Variants in SMOC2 observed in about 807,000 individuals in gnomAD.
SMOC2 encodes the protein SPARC related modular calcium binding 2.
In SMOC2, 39 loss-of-function variants were observed where a neutral mutation model predicts 61.4. The observed-to-expected ratio is 0.64, with a 90% CI of 0.49 to 0.83. The LOEUF (loss-of-function observed/expected upper bound fraction) is 0.83. Ranked by LOEUF, SMOC2 falls within the 40% of genes least tolerant of loss-of-function variation. SMOC2 has a pLI of 0.00. For missense variants in SMOC2, 556 were observed against 592.9 expected, an observed-to-expected ratio of 0.94 and a Z score of 0.65; for synonymous variants, 247 against 239.9, an observed-to-expected ratio of 1.03 and a Z score of -0.27.
At chr6:168,526,830 G>C (rs529160951) in intron 3 of SMOC2, among the ~76,000 whole-genome samples, 1 of 152,264 alleles carries the variant, frequency 6.6e-6, no homozygotes, top group African/African-American at 2.4e-5. Flanking sequence ...CACACTAAAA[G>C]TCGTGTCTGT....
chr6:168,548,577 G>C (rs562221327), intron 6 of SMOC2, among the ~76,000 whole-genome samples: 2 of 151,676 alleles, frequency 1.3e-5, no homozygotes, highest in African/African-American at 4.8e-5. Flanking sequence ...TGTTGGCCAG[G>C]CTGGTCTTGA....
intron 2 of SMOC2, among the ~76,000 whole-genome samples, chr6:168,518,204 C>G (rs1562566067): frequency 6.6e-6 from 1 of 152,340 alleles, no homozygotes; most frequent in African/African-American, 2.4e-5. Flanking sequence ...TGTCGCCTGG[C>G]TCCTATCGGG....
In SMOC2 at chr6:168,475,075, G is replaced by A. The variant is rs1168547048; in HGVS notation, c.84+33621G>A. 6.6e-6 allele frequency among the ~76,000 whole-genome samples: 1 copy of A among 152,078 alleles called. No individual in the cohort carries two copies. Among genetic ancestry groups the A allele is most frequent in the East Asian group, 1.9e-4 (1 of 5,186 alleles). ...TAGCTTCAGAATAGATCCCTTTATG[G>A]TAGGTCAGCACTCATGCCATACACT... On this transcript the variant is annotated intron_variant, in intron 1 of 12. Transcript: ENST00000356284. This position sits in a 1 kb window ranked among gnomAD's most constrained non-coding sequence, Gnocchi z 4.6.
intron 4 of SMOC2, among the ~76,000 whole-genome samples, chr6:168,540,301 G>T (rs1783849710): frequency 6.6e-6 from 1 of 152,242 alleles, no homozygotes; most frequent in Non-Finnish European, 1.5e-5. Flanking sequence ...CTCTGTTTTG[G>T]ATGGCTTGGT....
chr6:168,647,096 C>T (rs546565752), intron 9 of SMOC2, among the ~76,000 whole-genome samples: 1 of 152,308 alleles, frequency 6.6e-6, no homozygotes, highest in South Asian at 2.1e-4. Flanking sequence ...TATGGGGTAG[C>T]ACCTTCGTGC....
chr6:168,559,507 A>G (rs1784343231), intron 7 of SMOC2, among the ~76,000 whole-genome samples: 1 of 145,566 alleles, frequency 6.9e-6, no homozygotes. Context: ...AAATAGTAAC[A>G]TAGTAGAAGA....
chr6:168,478,628 T>G (rs1782140776), intron 1 of SMOC2, among the ~76,000 whole-genome samples: 1 of 152,204 alleles, frequency 6.6e-6, no homozygotes, highest in South Asian at 2.1e-4. Flanking sequence ...ACAGCACAGC[T>G]TCCCAGCTTC....
chr6:168,624,986 CCAG>C (rs921770258), intron 9 of SMOC2, among the ~76,000 whole-genome samples: 37 of 151,858 alleles, frequency 2.4e-4, no homozygotes, highest in Middle Eastern at 3.4e-3. Context: ...ACCACCACCA[CCAG>C]CAGCACCATC....
intron 2 of SMOC2, among the ~76,000 whole-genome samples, chr6:168,523,908 G>A (rs569906880): frequency 3.0e-4 from 45 of 152,254 alleles, no homozygotes; most frequent in African/African-American, 9.6e-4. Context: ...GTTTCCAGGG[G>A]ACAGTGTTGA....
At chr6:168,558,761 G>C in intron 7 of SMOC2, among the ~76,000 whole-genome samples, 1 of 152,294 alleles carries the variant, frequency 6.6e-6, no homozygotes, top group East Asian at 1.9e-4. Context: ...GTGTGTGTTT[G>C]TGCATGTGTG....
At chr6:168,507,679 A>G (rs931798417) in intron 1 of SMOC2, among the ~76,000 whole-genome samples, 27 of 152,234 alleles carry the variant, frequency 1.8e-4, no homozygotes, top group African/African-American at 5.5e-4. Context: ...GCAGAATTCA[A>G]CAGAATGTAT....
rs775037299 is a variant in SMOC2, at chr6:168,543,624, G to T, written c.464-1G>T. On this transcript the variant is annotated splice_acceptor_variant, in intron 4 of 12. Transcript: ENST00000356284. LOFTEE classifies it high-confidence loss of function. ...TTTCACTCCTTATTTTCCTCTTTTA[G>T]GTTCCGTAAATGAAAAGTTACCCCA... 6.2e-7 allele frequency: 1 copy of T among 1,613,432 alleles called. No individual in the cohort carries two copies.
intron 1 of SMOC2, among the ~76,000 whole-genome samples, chr6:168,493,157 A>G (rs780467477): frequency 1.1e-4 from 17 of 151,990 alleles, no homozygotes; most frequent in Non-Finnish European, 2.2e-4. Context: ...CTGTCTTAGT[A>G]TCCTGAGTAG....
chr6:168,573,575 C>A (rs1364220670), intron 7 of SMOC2, among the ~76,000 whole-genome samples: 1 of 152,150 alleles, frequency 6.6e-6, no homozygotes, highest in Non-Finnish European at 1.5e-5. Flanking sequence ...GCTGGAGTAG[C>A]CTCTGCCCAC....
chr6:168,556,063 C>A (rs1247813844), intron 7 of SMOC2, among the ~76,000 whole-genome samples: 1 of 152,180 alleles, frequency 6.6e-6, no homozygotes, highest in African/African-American at 2.4e-5. Context: ...GGGTCTCAGC[C>A]CGAGGCGTCG....
At chr6:168,506,151 G>A (rs886656249) in intron 1 of SMOC2, among the ~76,000 whole-genome samples, 1 of 152,022 alleles carries the variant, frequency 6.6e-6, no homozygotes, top group Non-Finnish European at 1.5e-5. Flanking sequence ...GGGTCCACAG[G>A]TGCACATTTA....
chr6:168,566,296 A>G (rs923457770), intron 7 of SMOC2, among the ~76,000 whole-genome samples: 2 of 152,190 alleles, frequency 1.3e-5, no homozygotes, highest in African/African-American at 2.4e-5. Flanking sequence ...ATTCTAGGAC[A>G]CTGTCTAATC....
intron 11 of SMOC2, among the ~76,000 whole-genome samples, chr6:168,661,811 C>A (rs1480073501): frequency 1.3e-5 from 2 of 152,120 alleles, no homozygotes; most frequent in African/African-American, 4.8e-5. Flanking sequence ...TGAATTTGAA[C>A]CGTTGGCTGA....
At chr6:168,458,237 C>T (rs995903774) in intron 1 of SMOC2, among the ~76,000 whole-genome samples, 17 of 152,102 alleles carry the variant, frequency 1.1e-4, no homozygotes, top group Non-Finnish European at 2.2e-4. Context: ...GGGAGACGGT[C>T]TCACCCTGCC....
Sources: gnomAD v4.1 joint callset for allele counts (sites outside exome capture counted in the v4.1 genomes callset) on GRCh38, gnomAD v4.1.1 for gene constraint, Gnocchi (gnomAD v3.1) non-coding constraint, MANE v1.5 for transcripts, NCBI Gene and HGNC (gene_info 2026-07-23, HGNC 2026-07-21) for gene names.